The following ERI3 variants were observed in gnomAD, a reference collection of about 807,000 sequenced individuals.
ERI3 encodes ERI1 exoribonuclease 3.
ERI3 carries 18 observed loss-of-function variants against 44.4 expected under a neutral mutation model. That is an observed-to-expected ratio of 0.41 (90% CI 0.28 to 0.60). The LOEUF (loss-of-function observed/expected upper bound fraction) is 0.60, where lower values mean the gene tolerates loss of function less well. Ranked by LOEUF, ERI3 falls within the 20% of genes least tolerant of loss-of-function variation. The probability of loss-of-function intolerance (pLI) is 0.36; values close to 1 mark genes in which losing one functional copy is unlikely to be tolerated. For missense variants in ERI3, 294 were observed against 435.5 expected (o/e 0.68, Z 2.89); for synonymous variants, 183 against 164.8 (o/e 1.11, Z -0.84).
At chr1:44,240,209 CCT>C (rs1233733011) in intron 8 of ERI3, among the ~76,000 whole-genome samples, 1 of 152,220 alleles carries the variant, frequency 6.6e-6, no homozygotes, top group Non-Finnish European at 1.5e-5. Flanking sequence ...TACATTCTGT[CCT>C]CTGTGTGTCC....
At chr1:44,337,436 C>T (rs1367217055) in intron 3 of ERI3, among the ~76,000 whole-genome samples, 1 of 152,244 alleles carries the variant, frequency 6.6e-6, no homozygotes, top group Non-Finnish European at 1.5e-5. Context: ...TAAGCACCAG[C>T]TGCCCTCACC....
intron 2 of ERI3, among the ~76,000 whole-genome samples, chr1:44,346,481 T>C (rs1028873435): frequency 6.6e-6 from 1 of 152,220 alleles, no homozygotes; most frequent in Non-Finnish European, 1.5e-5. Flanking sequence ...GACATCTTTT[T>C]GCAAAGTCCT....
chr1:44,341,464 T>C (rs1006479241), intron 2 of ERI3, among the ~76,000 whole-genome samples: 2 of 152,236 alleles, frequency 1.3e-5, no homozygotes, highest in Admixed American at 6.5e-5. Context: ...CAGAGAGTAA[T>C]ATCGATGTCT....
chr1:44,289,999 T>C (rs891201343), intron 6 of ERI3, among the ~76,000 whole-genome samples: 5 of 152,242 alleles, frequency 3.3e-5, no homozygotes, highest in African/African-American at 1.2e-4. Context: ...CTTTCATCTC[T>C]TTAAGACTTA....
chr1:44,259,923 A>ATAGATAGG (rs34956363), intron 7 of ERI3, among the ~76,000 whole-genome samples: 2 of 139,588 alleles, frequency 1.4e-5, no homozygotes, highest in East Asian at 3.9e-4. Context: ...AGATAGATAG[A>ATAGATAGG]CAGACAGACA....
intron 6 of ERI3, among the ~76,000 whole-genome samples, chr1:44,297,141 G>T (rs777473370): frequency 6.6e-6 from 1 of 152,100 alleles, no homozygotes; most frequent in Non-Finnish European, 1.5e-5. Flanking sequence ...GGGCTGGCTG[G>T]CTTTCTTCCC....
chr1:44,338,528 A>G (rs565576178), intron 3 of ERI3, among the ~76,000 whole-genome samples: 2 of 152,354 alleles, frequency 1.3e-5, no homozygotes, highest in Admixed American at 1.3e-4. Context: ...CCCCAGAGCA[A>G]GTGGTCCAAA....
rs1644279256 is a variant in ERI3, at chr1:44,235,326, C to G, written c.931+12613G>C. 6.6e-6 allele frequency among the ~76,000 whole-genome samples: 1 copy of G among 152,164 alleles called. No individual in the cohort carries two copies. The highest frequency in any genetic ancestry group is 2.1e-4 in the South Asian group (1 of 4,820). Reference sequence around the variant, plus strand: ...TCAAGTCCTCACTTCTCACCTGGCTCATTGCCTTCACCTCTCAGGACCCAG... The same window carrying G: ...TCAAGTCCTCACTTCTCACCTGGCTGATTGCCTTCACCTCTCAGGACCCAG... On this transcript the variant is annotated intron_variant, in intron 8 of 8. Coordinates refer to ENST00000372257, the MANE Select transcript of ERI3 (RefSeq NM_024066.3). This position sits in a 1 kb window ranked among gnomAD's most constrained non-coding sequence, Gnocchi z 4.6.
chr1:44,332,643 C>T (rs1178297899), intron 3 of ERI3, among the ~76,000 whole-genome samples: 1 of 152,226 alleles, frequency 6.6e-6, no homozygotes, highest in East Asian at 1.9e-4. Context: ...TTCTACATTG[C>T]TATGTCTGCT....
At chr1:44,242,817 G>T (rs922965318) in intron 8 of ERI3, among the ~76,000 whole-genome samples, 2 of 152,166 alleles carry the variant, frequency 1.3e-5, no homozygotes, top group African/African-American at 4.8e-5. Context: ...AGGGACCCGG[G>T]AAACTTCAAG....
intron 7 of ERI3, among the ~76,000 whole-genome samples, chr1:44,254,595 GAA>G (rs984618919): frequency 1.0e-3 from 159 of 152,188 alleles, no homozygotes; most frequent in African/African-American, 3.8e-3. Flanking sequence ...AACAATGCCA[GAA>G]AAAGTCATTC....
intron 8 of ERI3, among the ~76,000 whole-genome samples, chr1:44,246,730 T>C (rs1339105236): frequency 6.6e-6 from 1 of 152,242 alleles, no homozygotes; most frequent in African/African-American, 2.4e-5. Context: ...CAAGCACCTA[T>C]TTCAGTCCCT....
At chr1:44,268,439 C>T (rs566637597) in intron 7 of ERI3, among the ~76,000 whole-genome samples, 1 of 152,318 alleles carries the variant, frequency 6.6e-6, no homozygotes, top group Admixed American at 6.5e-5. Flanking sequence ...TCTAGTGCCC[C>T]AGCTGGTCAA....
intron 5 of ERI3, among the ~76,000 whole-genome samples, chr1:44,308,643 G>A (rs1334647622): frequency 3.3e-5 from 5 of 151,960 alleles, no homozygotes; most frequent in Non-Finnish European, 5.9e-5. Context: ...CCCTACACTC[G>A]CCTATTGCCT....
chr1:44,305,997 G>C (rs943954469), intron 6 of ERI3, among the ~76,000 whole-genome samples: 2 of 152,202 alleles, frequency 1.3e-5, no homozygotes, highest in African/African-American at 4.8e-5. Context: ...GCCATCTGAC[G>C]AGCCTCTGCC....
intron 7 of ERI3, among the ~76,000 whole-genome samples, chr1:44,260,155 C>G (rs1217413088): frequency 3.9e-5 from 6 of 152,202 alleles, no homozygotes; most frequent in Non-Finnish European, 1.5e-5. Context: ...CACATGTAGA[C>G]CTGCGCTCAA....
chr1:44,234,914 G>A (rs1198747355), intron 8 of ERI3, among the ~76,000 whole-genome samples: 2 of 151,974 alleles, frequency 1.3e-5, no homozygotes, highest in Non-Finnish European at 2.9e-5. Flanking sequence ...GGCCTAAGAG[G>A]CCCTTTAATG....
chr1:44,311,940 C>G (rs1338753938), intron 5 of ERI3, among the ~76,000 whole-genome samples: 1 of 152,110 alleles, frequency 6.6e-6, no homozygotes, highest in Non-Finnish European at 1.5e-5. Context: ...GGAAGCATCT[C>G]AGAGCTCATC....
chr1:44,248,322 T>C (rs1250901191), intron 7 of ERI3, among the ~76,000 whole-genome samples: 1 of 152,042 alleles, frequency 6.6e-6, no homozygotes, highest in Non-Finnish European at 1.5e-5. Context: ...TTCACTAGGC[T>C]CCTCCTTCTC....
Sources: gnomAD v4.1 joint callset for allele counts (sites outside exome capture counted in the v4.1 genomes callset) on GRCh38, gnomAD v4.1.1 for gene constraint, Gnocchi (gnomAD v3.1) non-coding constraint, MANE v1.5 for transcripts, NCBI Gene and HGNC (gene_info 2026-07-23, HGNC 2026-07-21) for gene names.